ZNF407: variants seen among roughly 807,000 people sequenced by gnomAD.
ZNF407 encodes the protein zinc finger protein 407.
ZNF407 carries 17 observed loss-of-function variants against 131.2 expected under a neutral mutation model. The ratio of observed to expected loss-of-function variants is 0.13; its 90% confidence interval spans 0.09 to 0.19. The LOEUF is 0.19. ZNF407 is among the 10% of genes least tolerant of loss of function. ZNF407 has a pLI of 1.00. For missense variants in ZNF407, 2,681 were observed against 2,830.6 expected (o/e 0.95, Z 1.20); for synonymous variants, 1,156 against 1,062.0 (o/e 1.09, Z -1.72).
intron 7 of ZNF407, among the ~76,000 whole-genome samples, chr18:74,908,856 T>C (rs942970077): frequency 6.6e-6 from 1 of 152,108 alleles, no homozygotes; most frequent in Non-Finnish European, 1.5e-5. Flanking sequence ...TCCCCTCTAC[T>C]TTGAACATTT....
intron 8 of ZNF407, among the ~76,000 whole-genome samples, chr18:74,975,957 C>T (rs1264605930): frequency 6.6e-6 from 1 of 152,170 alleles, no homozygotes; most frequent in Non-Finnish European, 1.5e-5. Context: ...TTTATTGTCT[C>T]TCGTTCAGCT....
chr18:74,600,212 G>C lies in ZNF407; in HGVS notation c.-54+2275G>C, dbSNP rs566683670. Among the ~76,000 whole-genome samples, 6 of 152,336 alleles carry C rather than the reference G, an allele frequency of 3.9e-5. No homozygotes were observed. The South Asian group carries it at 1.2e-3, about 32-fold the overall frequency. On this transcript the variant is annotated intron_variant, in intron 1 of 8. Transcript: ENST00000299687. ...AAGCAGAAAAGGAATTTATTGGAAG[G>C]CTATAGATGGCTTTCAGAATTGATG...
intron 8 of ZNF407, among the ~76,000 whole-genome samples, chr18:74,963,152 C>CTT (rs36225166): frequency 1.4e-4 from 20 of 138,496 alleles, no homozygotes; most frequent in Middle Eastern, 3.7e-3. Context: ...ACCTTCATTC[C>CTT]TTTTTTTTTT....
intron 1 of ZNF407, among the ~76,000 whole-genome samples, chr18:74,617,255 A>G (rs1983357975): frequency 6.6e-6 from 1 of 151,786 alleles, no homozygotes; most frequent in Non-Finnish European, 1.5e-5. Flanking sequence ...CTTTACCCAT[A>G]AACACTCAGT....
intron 8 of ZNF407, among the ~76,000 whole-genome samples, chr18:74,944,909 A>G (rs1055186575): frequency 6.6e-6 from 1 of 152,050 alleles, no homozygotes; most frequent in Non-Finnish European, 1.5e-5. Context: ...CTGGTTGCAG[A>G]CTGGGGATAG....
At chr18:74,834,164 G>A (rs918337222) in intron 4 of ZNF407, among the ~76,000 whole-genome samples, 2 of 152,136 alleles carry the variant, frequency 1.3e-5, no homozygotes, top group African/African-American at 2.4e-5. Flanking sequence ...CTTATGTGGC[G>A]CAGATGAATG....
At chr18:74,745,366 C>T (rs9946900) in intron 3 of ZNF407, among the ~76,000 whole-genome samples, 96,893 of 139,352 alleles carry the variant, frequency 0.7, 33,147 homozygotes, top group East Asian at 0.95. Flanking sequence ...TTGCTAATTT[C>T]TTCAGAGGCA....
intron 4 of ZNF407, among the ~76,000 whole-genome samples, chr18:74,797,846 G>A (rs1969949225): frequency 6.7e-6 from 1 of 150,322 alleles, no homozygotes. Context: ...TAAGGGAAAA[G>A]TTAGCCATAT....
At chr18:74,789,603 T>C (rs1468397071) in intron 4 of ZNF407, among the ~76,000 whole-genome samples, 2 of 152,128 alleles carry the variant, frequency 1.3e-5, no homozygotes, top group Admixed American at 6.6e-5. Context: ...TGAGAACTCC[T>C]TGGAACTGTA....
intron 8 of ZNF407, among the ~76,000 whole-genome samples, chr18:75,011,490 T>G (rs1382321020): frequency 6.6e-6 from 1 of 152,142 alleles, no homozygotes; most frequent in Non-Finnish European, 1.5e-5. Context: ...TCATTACCAC[T>G]ACAAACAATG....
chr18:74,708,923 G>T (rs915452748), intron 3 of ZNF407, among the ~76,000 whole-genome samples: 7 of 152,220 alleles, frequency 4.6e-5, no homozygotes, highest in African/African-American at 1.7e-4. Context: ...TGCCTCAGCA[G>T]GCTTAGGGCC....
chr18:74,623,097 C>T (rs1157480233), intron 1 of ZNF407, among the ~76,000 whole-genome samples: 1 of 147,954 alleles, frequency 6.8e-6, no homozygotes, highest in African/African-American at 2.5e-5. Context: ...TGTGTGAGTG[C>T]GTGTGTATCT....
rs2122297338 is a variant in ZNF407, at chr18:75,063,235, C to T, written c.5514C>T (p.Ala1838=). 1.2e-6 allele frequency: 2 copies of T among 1,613,570 alleles called. No homozygotes were observed. The highest frequency in any genetic ancestry group is 2.2e-5 in the South Asian group (2 of 91,068). The change falls in exon 9 of 9, where the codon GCC becomes GCT. Residue 1838 remains alanine, a synonymous_variant. Transcript: ENST00000299687. The surrounding 1 kb of genome is among the most constrained non-coding windows in gnomAD (Gnocchi z 6.6). The part of the protein sequence containing the change: ...VETDSPFTAA[A]LAEEPLVKEK... The stretch of plus-strand genomic sequence containing the variant: ...CAGACAGCCCCTTCACCGCGGCGGC[C>T]TTGGCAGAAGAGCCCCTCGTCAAGG...
intron 7 of ZNF407, among the ~76,000 whole-genome samples, chr18:74,917,832 T>C (rs1971793381): frequency 6.6e-6 from 1 of 152,242 alleles, no homozygotes; most frequent in African/African-American, 2.4e-5. Flanking sequence ...ATGCCTAGCA[T>C]TTTACATAAG....
At chr18:74,793,964 C>T (rs1172105926) in intron 4 of ZNF407, among the ~76,000 whole-genome samples, 1 of 152,198 alleles carries the variant, frequency 6.6e-6, no homozygotes, top group African/African-American at 2.4e-5. Flanking sequence ...ACCAGGGCTT[C>T]ATCAAGCTCC....
intron 8 of ZNF407, among the ~76,000 whole-genome samples, chr18:75,043,496 T>C (rs1973397532): frequency 6.6e-6 from 1 of 152,180 alleles, no homozygotes; most frequent in African/African-American, 2.4e-5. Context: ...TTCATTCCTT[T>C]CACCTGCCTG....
Position 74,779,786 on chromosome 18 carries a change from G to A in ZNF407, c.4803-1642G>A, listed in dbSNP as rs150939816. Among the ~76,000 whole-genome samples, 489 of 152,076 alleles carry A rather than the reference G, an allele frequency of 3.2e-3. 5 individuals carry two copies. The highest frequency in any genetic ancestry group is 0.017 in the Middle Eastern group (5 of 294). ...GTTTTCTATTAAAAACTGCACTGTG[G>A]ATTCTAAGTTCCCATCTCTTAATTT... On this transcript the variant is annotated intron_variant, in intron 3 of 8. Transcript: ENST00000299687.
intron 3 of ZNF407, among the ~76,000 whole-genome samples, chr18:74,755,753 C>CTTTCTTTCTTTCTT (rs1968932352): frequency 8.5e-6 from 1 of 117,814 alleles, no homozygotes; most frequent in Non-Finnish European, 1.6e-5. Context: ...TTCTTTCTTT[C>CTTTCTTTCTTTCTT]TTTCTTTCTT....
At chr18:74,763,371 A>G (rs1969145269) in intron 3 of ZNF407, among the ~76,000 whole-genome samples, 1 of 151,534 alleles carries the variant, frequency 6.6e-6, no homozygotes, top group South Asian at 2.1e-4. Context: ...ATGATTTGCA[A>G]GTATTTTGTC....
Sources: allele counts gnomAD v4.1 joint callset (sites outside exome capture counted in the v4.1 genomes callset), GRCh38; gene constraint gnomAD v4.1.1; non-coding constraint Gnocchi (gnomAD v3.1); transcripts MANE v1.5; gene names NCBI Gene and HGNC (gene_info 2026-07-23, HGNC 2026-07-21).